NXPE4: variants seen among roughly 807,000 people sequenced by gnomAD.
NXPE4 encodes the protein neurexophilin and PC-esterase domain family member 4.
NXPE4 carries 42 observed loss-of-function variants against 33.3 expected under a neutral mutation model. That is an observed-to-expected ratio of 1.26 (90% CI 0.98 to 1.63). The LOEUF (loss-of-function observed/expected upper bound fraction) is 1.63. NXPE4 is among the 40% of genes most tolerant of loss of function. The pLI is 0.00. For missense variants in NXPE4, 709 were observed against 647.6 expected (o/e 1.09, Z -1.03); for synonymous variants, 253 against 234.9 (o/e 1.08, Z -0.71).
At chr11:114,592,958 A>C (rs546638237) in intron 2 of NXPE4, among the ~76,000 whole-genome samples, 1 of 152,270 alleles carries the variant, frequency 6.6e-6, no homozygotes, top group South Asian at 2.1e-4. Context: ...GGTGCTGGAG[A>C]AACTGAATAT....
At chr11:114,675,977 G>A in the NXPE4 span, among the ~76,000 whole-genome samples, 1 of 151,792 alleles carries the variant, frequency 6.6e-6, no homozygotes, top group Non-Finnish European at 1.5e-5. Context: ...TTGGACAAAG[G>A]TGCCAAAAGC....
chr11:114,638,254 A>T, the NXPE4 span, among the ~76,000 whole-genome samples: 2 of 152,054 alleles, frequency 1.3e-5, no homozygotes, highest in African/African-American at 4.8e-5. Flanking sequence ...AGTTGATCAC[A>T]TCAGCTCCTG....
the NXPE4 span, among the ~76,000 whole-genome samples, chr11:114,629,610 C>T: frequency 2.2e-4 from 34 of 152,058 alleles, no homozygotes; most frequent in Middle Eastern, 6.8e-3. Context: ...AAAACTGGCA[C>T]AAGACAGGGA....
chr11:114,585,612 T>C (rs951966446), intron 2 of NXPE4, among the ~76,000 whole-genome samples: 3 of 151,906 alleles, frequency 2.0e-5, no homozygotes, highest in African/African-American at 4.8e-5. Context: ...TGTGTGTGTA[T>C]ATATATGTAT....
intron 2 of NXPE4, among the ~76,000 whole-genome samples, chr11:114,591,009 T>G (rs1192851947): frequency 2.0e-5 from 3 of 152,110 alleles, no homozygotes; most frequent in Non-Finnish European, 2.9e-5. Context: ...AACATGACTG[T>G]GAGCAAGTTG....
Position 114,592,003 on chromosome 11 carries a change from A to G in NXPE4, c.96+2661T>C, listed in dbSNP as rs186860773. ...GCTTCAGATAAAAATATCTCAACAAATTAGGCATGGAAGAAATGTACCTCA... is the reference window on the plus strand; with the variant it reads ...GCTTCAGATAAAAATATCTCAACAAGTTAGGCATGGAAGAAATGTACCTCA... On this transcript the variant is annotated intron_variant, in intron 2 of 5. Transcript: ENST00000375478. 5.3e-5 allele frequency among the ~76,000 whole-genome samples: 8 copies of G among 152,336 alleles called. No individual in the cohort carries two copies. In the East Asian group the frequency reaches 1.5e-3, roughly 29 times the overall value.
At chr11:114,649,918 T>C in the NXPE4 span, among the ~76,000 whole-genome samples, 6 of 152,192 alleles carry the variant, frequency 3.9e-5, no homozygotes, top group African/African-American at 1.4e-4. Context: ...TGCGTGCAGT[T>C]TGTAAGAAGC....
At chr11:114,635,592 G>A in the NXPE4 span, among the ~76,000 whole-genome samples, 1 of 151,912 alleles carries the variant, frequency 6.6e-6, no homozygotes, top group Non-Finnish European at 1.5e-5. Context: ...TATGATATTG[G>A]CTGTGGGTTT....
intron 2 of NXPE4, among the ~76,000 whole-genome samples, chr11:114,590,218 C>T (rs1949416718): frequency 6.6e-6 from 1 of 152,184 alleles, no homozygotes; most frequent in Admixed American, 6.5e-5. Flanking sequence ...ACTGAGGAAA[C>T]CTCTTGGGAA....
chr11:114,662,829 A>G, the NXPE4 span, among the ~76,000 whole-genome samples: 65 of 152,220 alleles, frequency 4.3e-4, no homozygotes, highest in African/African-American at 1.5e-3. Context: ...GAAGGAAAGG[A>G]CCCAGTCCTG....
At chr11:114,599,228 T>C (rs1326483920), upstream of NXPE4, among the ~76,000 whole-genome samples, 1 of 152,116 alleles carries the variant, frequency 6.6e-6, no homozygotes, top group Non-Finnish European at 1.5e-5. Flanking sequence ...TCCAAGTTCT[T>C]CACTAAACCA....
At chr11:114,576,646 C>T (rs1237585215) in intron 5 of NXPE4, among the ~76,000 whole-genome samples, 1 of 151,942 alleles carries the variant, frequency 6.6e-6, no homozygotes, top group African/African-American at 2.4e-5. Flanking sequence ...CAATGTGATA[C>T]CACCTCAGTC....
the NXPE4 span, among the ~76,000 whole-genome samples, chr11:114,601,914 T>TA: frequency 7.5e-5 from 3 of 39,784 alleles, no homozygotes; most frequent in Non-Finnish European, 1.0e-4. Flanking sequence ...TATTATATAA[T>TA]TATATATAAT....
At chr11:114,579,594 C>T (rs1030003790) in intron 5 of NXPE4, among the ~76,000 whole-genome samples, 1 of 152,118 alleles carries the variant, frequency 6.6e-6, no homozygotes, top group Non-Finnish European at 1.5e-5. Context: ...TACCTTACAC[C>T]AAAGAGAAGT....
chr11:114,582,421 G>C lies in NXPE4; in HGVS notation c.697C>G (p.Leu233Val). ...AAGCCTTCTTGGTCTCTGTTGTCCA[G>C]GTACTGGCACAATTCAGCATTTGTG... The part of the protein sequence containing the change: ...LNTNAELCQY[L>V]DNRDQEGFYC... The change falls in exon 3 of 6, where the codon CTG becomes GTG. Residue 233 changes from leucine (L) to valine (V), a missense_variant. By Grantham distance (32) the Leu-to-Val change is conservative. Transcript: ENST00000375478. 6.2e-7 allele frequency: 1 copy of C among 1,614,158 alleles called. No homozygotes were observed. The highest frequency in any genetic ancestry group is 8.5e-7 in the Non-Finnish European group (1 of 1,180,000).
the NXPE4 span, among the ~76,000 whole-genome samples, chr11:114,635,289 G>T: frequency 6.7e-6 from 1 of 149,852 alleles, no homozygotes; most frequent in Admixed American, 6.7e-5. Flanking sequence ...GTATAAGAAT[G>T]GTTGTGATTT....
intron 2 of NXPE4, chr11:114,584,018 G>A: frequency 2.9e-6 from 1 of 349,624 alleles, no homozygotes; most frequent in Admixed American, 3.3e-5. Flanking sequence ...CCTGTCTAGT[G>A]TGGTGATCTT....
chr11:114,646,321 A>C, the NXPE4 span, among the ~76,000 whole-genome samples: 3 of 151,576 alleles, frequency 2.0e-5, no homozygotes, highest in African/African-American at 7.3e-5. Context: ...TTATATTACA[A>C]ATAAATATAA....
chr11:114,609,361 A>G, the NXPE4 span, among the ~76,000 whole-genome samples: 1 of 151,454 alleles, frequency 6.6e-6, no homozygotes, highest in Admixed American at 6.7e-5. Context: ...CTCATTGGTA[A>G]CCACCGTTAC....
Sources: gnomAD v4.1 joint callset for allele counts (sites outside exome capture counted in the v4.1 genomes callset) on GRCh38, gnomAD v4.1.1 for gene constraint, MANE v1.5 for transcripts, NCBI Gene and HGNC (gene_info 2026-07-23, HGNC 2026-07-21) for gene names.